Variants in ZFAND4 observed in about 807,000 individuals in gnomAD.
The protein encoded by ZFAND4 is AN1-type zinc finger protein 4.
ZFAND4 carries 43 observed loss-of-function variants against 64.4 expected under a neutral mutation model. The observed-to-expected ratio is 0.67, with a 90% CI of 0.52 to 0.86. The LOEUF is 0.86. Ranked by LOEUF, ZFAND4 falls within the 40% of genes least tolerant of loss-of-function variation. The probability of loss-of-function intolerance (pLI) is 0.00; values close to 1 mark genes in which losing one functional copy is unlikely to be tolerated. For synonymous variants in ZFAND4, 296 were observed against 305.7 expected (o/e 0.97, Z 0.33); for missense variants, 929 against 859.8 (o/e 1.08, Z -1.01).
At chr10:45,628,784 G>A (rs1323239342) in intron 6 of ZFAND4, among the ~76,000 whole-genome samples, 1 of 151,422 alleles carries the variant, frequency 6.6e-6, no homozygotes, top group African/African-American at 2.4e-5. Flanking sequence ...CAGAAAAACT[G>A]GGAGACATAT....
At chr10:45,667,879 T>C (rs11528544) in intron 1 of ZFAND4, among the ~76,000 whole-genome samples, 34,425 of 152,126 alleles carry the variant, frequency 0.23, 4,104 homozygotes, top group South Asian at 0.37. Context: ...AAGGAAACCA[T>C]TGAGTCTTTA....
At chr10:45,649,071 A>G (rs2047585795) in intron 4 of ZFAND4, 1 of 385,790 alleles carries the variant, frequency 2.6e-6, no homozygotes, top group Non-Finnish European at 3.5e-6. Context: ...GATCAAGACC[A>G]TCCTGGCCAA....
chr10:45,633,135 T>C (rs1231796522), intron 6 of ZFAND4, among the ~76,000 whole-genome samples: 1 of 150,236 alleles, frequency 6.7e-6, no homozygotes, highest in Non-Finnish European at 1.5e-5. Flanking sequence ...GTATGAGAAA[T>C]GAAAAGAGAA....
chr10:45,625,598 C>T (rs10900229), intron 7 of ZFAND4, among the ~76,000 whole-genome samples: 35,113 of 150,486 alleles, frequency 0.23, 4,514 homozygotes, highest in Admixed American at 0.3. Context: ...ATTTTTAATA[C>T]GTATTTGAAA....
rs576881584 is a variant in ZFAND4 at position 45,643,926 on chromosome 10, T to C, written c.570-3963A>G. On this transcript the variant is annotated intron_variant, in intron 5 of 9. Transcript: ENST00000344646. Reference sequence around the variant, plus strand: ...TTTAATTAGTTGAAAAAACTCAAAATAATGGTATTTCATAACAAATGAAAA... The same window carrying C: ...TTTAATTAGTTGAAAAAACTCAAAACAATGGTATTTCATAACAAATGAAAA... Among the ~76,000 whole-genome samples the C allele has an allele frequency of 7.2e-5, 11 of 152,248 alleles. No individual in the cohort carries two copies. In the East Asian group the frequency reaches 2.1e-3, roughly 29 times the overall value.
chr10:45,616,817 A>C (rs1490720585), intron 9 of ZFAND4, among the ~76,000 whole-genome samples: 1 of 152,202 alleles, frequency 6.6e-6, no homozygotes, highest in East Asian at 1.9e-4. Flanking sequence ...AGGGTAGACC[A>C]GGGGCGGTGG....
intron 6 of ZFAND4, among the ~76,000 whole-genome samples, chr10:45,638,868 A>C (rs748213170): frequency 4.6e-5 from 7 of 152,242 alleles, no homozygotes; most frequent in Non-Finnish European, 1.0e-4. Flanking sequence ...GATTCCATTT[A>C]TATAAATTTC....
intron 6 of ZFAND4, among the ~76,000 whole-genome samples, chr10:45,637,707 AC>A (rs1187089013): frequency 6.6e-6 from 1 of 152,138 alleles, no homozygotes; most frequent in Non-Finnish European, 1.5e-5. Flanking sequence ...CAGAGATCAC[AC>A]CACTGCACTC....
At chr10:45,651,863 C>G (rs933630080) in intron 4 of ZFAND4, 103 bp downstream of exon 4, 38 of 1,017,236 alleles carry the variant, frequency 3.7e-5, no homozygotes, top group Middle Eastern at 2.7e-4. Flanking sequence ...TTTCTAAGAC[C>G]TAATAGCAGA....
chr10:45,657,318 GCATAA>G (rs1277516143), intron 2 of ZFAND4, among the ~76,000 whole-genome samples: 5 of 152,100 alleles, frequency 3.3e-5, no homozygotes, highest in Non-Finnish European at 7.4e-5. Flanking sequence ...ATTAAAAGAT[GCATAA>G]CATCATCAGT....
intron 2 of ZFAND4, chr10:45,662,544 G>A (rs2048548888): frequency 2.1e-6 from 2 of 959,760 alleles, no homozygotes; most frequent in Non-Finnish European, 2.5e-6. Context: ...AAAGCAGAAC[G>A]AAGTCAAAAT....
intron 8 of ZFAND4, among the ~76,000 whole-genome samples, chr10:45,619,283 A>G (rs1398139332): frequency 6.6e-6 from 1 of 151,772 alleles, no homozygotes; most frequent in Non-Finnish European, 1.5e-5. Flanking sequence ...TGACCTCATG[A>G]TCCGCCCATC....
rs184803409 is a variant in ZFAND4, at chr10:45,664,210, A to G, written c.-117-368T>C. Among the ~76,000 whole-genome samples the G allele has an allele frequency of 1.5e-3, 226 of 152,276 alleles. 1 individual carries two copies. Among genetic ancestry groups the G allele is most frequent in the African/African-American group, 4.0e-3 (167 of 41,544 alleles). ...GAAAAATTTATTCATATCCTTTTCT[A>G]AAACATACAAATTATGTCTTCTATA... On this transcript the variant is annotated intron_variant, in intron 1 of 9. Transcript: ENST00000344646.
intron 2 of ZFAND4, among the ~76,000 whole-genome samples, chr10:45,657,117 G>A (rs1242485394): frequency 1.3e-5 from 2 of 151,110 alleles, no homozygotes; most frequent in Non-Finnish European, 2.9e-5. Flanking sequence ...GAGCTCAAGC[G>A]ATCCTCCCAC....
At position 45,662,462 on chromosome 10, in the gene ZFAND4, A is replaced by G. The variant is rs73292839; in HGVS notation, c.184+1080T>C. ...TTCATGAAAGAGATAAAAAGTACAG[A>G]GATTATTTACAACGCAAGATTTCAC... is the stretch of plus-strand genomic sequence containing the variant. On this transcript the variant is annotated intron_variant, in intron 2 of 9. Coordinates refer to ENST00000344646, the MANE Select transcript of ZFAND4 (RefSeq NM_174890.4). The G allele has an allele frequency of 8.9e-3, 3,015 of 339,412 alleles. 97 individuals carry two copies. Among genetic ancestry groups the G allele is most frequent in the African/African-American group, 0.062 (2,784 of 44,860 alleles). The allele number at this position is 339,412 out of a possible 1,614,324, so 21.0% of individuals were successfully genotyped here. A position where few individuals can be genotyped will look rare whatever the true frequency, so the allele number is the denominator to read the frequency against.
chr10:45,635,530 TA>T (rs546348748), intron 6 of ZFAND4, among the ~76,000 whole-genome samples: 9,091 of 152,232 alleles, frequency 0.06, 391 homozygotes, highest in African/African-American at 0.12. Flanking sequence ...CTAAATGAAC[TA>T]AAGACTTAAC....
At chr10:45,666,121 G>A (rs140621615) in intron 1 of ZFAND4, among the ~76,000 whole-genome samples, 20 of 152,270 alleles carry the variant, frequency 1.3e-4, no homozygotes, top group African/African-American at 4.3e-4. Flanking sequence ...TTGGCAATTT[G>A]TGGAACTACC....
chr10:45,635,229 C>A (rs1072929), intron 6 of ZFAND4, among the ~76,000 whole-genome samples: 64,676 of 107,970 alleles, frequency 0.6, 17,471 homozygotes, highest in South Asian at 0.68. Context: ...AAAAAACAAA[C>A]AAAAAAAAAC....
intron 6 of ZFAND4, among the ~76,000 whole-genome samples, chr10:45,631,960 A>T (rs1315640548): frequency 2.0e-5 from 3 of 152,248 alleles, no homozygotes; most frequent in African/African-American, 7.2e-5. Context: ...CGAAAAATTC[A>T]AGAATTACTG....
Sources: allele counts gnomAD v4.1 joint callset (sites outside exome capture counted in the v4.1 genomes callset), GRCh38; gene constraint gnomAD v4.1.1; transcripts MANE v1.5; gene names NCBI Gene and HGNC (gene_info 2026-07-23, HGNC 2026-07-21).